The following RANBP2 variants were observed in gnomAD, a reference collection of about 807,000 sequenced individuals.
RANBP2 encodes E3 SUMO-protein ligase RanBP2.
RANBP2 carries 57 observed loss-of-function variants against 303.6 expected under a neutral mutation model. The observed-to-expected ratio is 0.19, with a 90% CI of 0.15 to 0.23. The LOEUF (loss-of-function observed/expected upper bound fraction) is 0.23. Among genes scored for constraint, RANBP2 ranks in the 10% least tolerant of loss-of-function variants. RANBP2 has a pLI of 1.00. For missense variants in RANBP2, 3,138 were observed against 3,780.8 expected (o/e 0.83, Z 4.46); for synonymous variants, 1,167 against 1,301.5 (o/e 0.90, Z 2.23).
the RANBP2 span, among the ~76,000 whole-genome samples, chr2:108,941,322 C>T: frequency 1.3e-5 from 2 of 152,160 alleles, no homozygotes; most frequent in Admixed American, 6.5e-5. Context: ...CTTTTGATGT[C>T]GGTGACTCAA....
the RANBP2 span, among the ~76,000 whole-genome samples, chr2:109,397,732 C>T: frequency 4.0e-4 from 61 of 152,338 alleles, no homozygotes; most frequent in South Asian, 0.011. Context: ...TGGGCTGCCC[C>T]TCCCAGCCCC....
downstream of RANBP2, chr2:108,786,812 T>G (rs778683545): frequency 1.3e-6 from 2 of 1,583,620 alleles, no homozygotes; most frequent in Non-Finnish European, 1.7e-6. Context: ...CTGGTACGGT[T>G]GCTGTGTGCT....
the RANBP2 span, among the ~76,000 whole-genome samples, chr2:109,121,540 T>C: frequency 6.6e-6 from 1 of 152,194 alleles, no homozygotes; most frequent in Non-Finnish European, 1.5e-5. Flanking sequence ...ATGGCAACAT[T>C]TGTGTAGCAC....
the RANBP2 span, among the ~76,000 whole-genome samples, chr2:109,161,262 G>A: frequency 6.6e-6 from 1 of 152,162 alleles, no homozygotes; most frequent in Admixed American, 6.5e-5. Context: ...GCAGTGATGA[G>A]TTGAGTTTAG....
At chr2:108,931,425 G>C in the RANBP2 span, among the ~76,000 whole-genome samples, 1 of 152,242 alleles carries the variant, frequency 6.6e-6, no homozygotes, top group African/African-American at 2.4e-5. Context: ...CCCCTGGAGA[G>C]ACTGCCAGGA....
At chr2:108,789,325 G>T (rs1347877086), downstream of RANBP2, among the ~76,000 whole-genome samples, 2 of 152,148 alleles carry the variant, frequency 1.3e-5, no homozygotes, top group Non-Finnish European at 2.9e-5. Context: ...AGGTGCGGTG[G>T]CTCACGCCTG....
chr2:109,570,408 C>G, the RANBP2 span, among the ~76,000 whole-genome samples: 1 of 152,058 alleles, frequency 6.6e-6, no homozygotes, highest in Non-Finnish European at 1.5e-5. Flanking sequence ...CAGATTCAAC[C>G]AACTGAGGAT....
chr2:109,038,583 G>C, the RANBP2 span, among the ~76,000 whole-genome samples: 1 of 152,044 alleles, frequency 6.6e-6, no homozygotes, highest in African/African-American at 2.4e-5. Flanking sequence ...TTATGAAGAA[G>C]ACCTAAAGGC....
At chr2:109,219,518 CTG>C in the RANBP2 span, among the ~76,000 whole-genome samples, 1 of 152,094 alleles carries the variant, frequency 6.6e-6, no homozygotes, top group Admixed American at 6.5e-5. Flanking sequence ...AAAATTATCT[CTG>C]TTTGCAGATG....
downstream of RANBP2, chr2:108,787,044 G>A (rs541680889): frequency 1.4e-5 from 7 of 487,134 alleles, no homozygotes; most frequent in South Asian, 6.7e-4. Flanking sequence ...CGCCGTGGCT[G>A]CGGCTTGGGC....
chr2:109,668,351 T>TGGC, the RANBP2 span, among the ~76,000 whole-genome samples: 4 of 152,070 alleles, frequency 2.6e-5, no homozygotes, highest in African/African-American at 9.7e-5. Context: ...GGGTGAATGT[T>TGGC]AGTGGATTGT....
chr2:109,016,437 T>A, the RANBP2 span, among the ~76,000 whole-genome samples: 5 of 152,192 alleles, frequency 3.3e-5, no homozygotes, highest in Non-Finnish European at 7.4e-5. Flanking sequence ...CCCATGAGAC[T>A]TTGAAGTTCT....
chr2:109,578,716 G>A, the RANBP2 span, among the ~76,000 whole-genome samples: 8 of 152,058 alleles, frequency 5.3e-5, 1 homozygote, highest in South Asian at 1.7e-3. Context: ...ACAGTGAACC[G>A]AGATTGTGCC....
chr2:109,091,440 A>G, the RANBP2 span, among the ~76,000 whole-genome samples: 3 of 152,050 alleles, frequency 2.0e-5, no homozygotes, highest in Non-Finnish European at 4.4e-5. Context: ...TTTTCCTATC[A>G]TGTTAAAAAC....
chr2:109,501,835 G>A, the RANBP2 span: 14 of 587,878 alleles, frequency 2.4e-5, no homozygotes, highest in Non-Finnish European at 3.6e-5. Context: ...TGTGGAGGTC[G>A]TGCCTTCTCC....
At chr2:109,033,229 C>T in the RANBP2 span, among the ~76,000 whole-genome samples, 4 of 152,162 alleles carry the variant, frequency 2.6e-5, no homozygotes, top group African/African-American at 4.8e-5. Context: ...CATTCAGCCT[C>T]GCTCATTTCT....
the RANBP2 span, among the ~76,000 whole-genome samples, chr2:108,829,982 C>G: frequency 6.7e-6 from 1 of 150,348 alleles, no homozygotes; most frequent in Admixed American, 6.6e-5. Context: ...AAGTTTATAG[C>G]AAGATTATAT....
At chr2:109,371,347 G>A in the RANBP2 span, among the ~76,000 whole-genome samples, 1 of 152,172 alleles carries the variant, frequency 6.6e-6, no homozygotes, top group African/African-American at 2.4e-5. Flanking sequence ...CGGAGATTGC[G>A]CCACTGCACT....
chr2:108,880,098 A>T, the RANBP2 span, among the ~76,000 whole-genome samples: 1 of 152,162 alleles, frequency 6.6e-6, no homozygotes, highest in African/African-American at 2.4e-5. Context: ...TAAAAAACAG[A>T]AATCAATGAA....
Sources: allele counts gnomAD v4.1 joint callset (sites outside exome capture counted in the v4.1 genomes callset), GRCh38; gene constraint gnomAD v4.1.1; transcripts MANE v1.5; gene names NCBI Gene and HGNC (gene_info 2026-07-23, HGNC 2026-07-21).